Variants in LRP1B observed in about 807,000 individuals in gnomAD.
LRP1B encodes the protein low-density lipoprotein receptor-related protein 1B.
Under a neutral mutation model 556.6 loss-of-function variants are expected in LRP1B, and 217 were observed. The observed-to-expected ratio is 0.39, with a 90% CI of 0.35 to 0.44. LRP1B has a LOEUF of 0.44. Among genes scored for constraint, LRP1B ranks in the 20% least tolerant of loss-of-function variants. The pLI, the probability that LRP1B is intolerant of heterozygous loss-of-function variation, is 1.00. For synonymous variants in LRP1B, 2,047 were observed against 1,865.8 expected, an observed-to-expected ratio of 1.10 and a Z score of -2.50; for missense variants, 5,053 against 5,620.8, an observed-to-expected ratio of 0.90 and a Z score of 3.23.
intron 1 of LRP1B, among the ~76,000 whole-genome samples, chr2:142,027,148 G>A (rs1270218522): frequency 6.6e-6 from 1 of 151,890 alleles, no homozygotes; most frequent in Non-Finnish European, 1.5e-5. Context: ...CTGGCCATGT[G>A]AATACTGCTT....
chr2:140,247,668 GC>G (rs1558923860), intron 86 of LRP1B, among the ~76,000 whole-genome samples: 1 of 151,604 alleles, frequency 6.6e-6, no homozygotes, highest in Non-Finnish European at 1.5e-5. Flanking sequence ...AAAATACAGA[GC>G]TTTCCCATTT....
chr2:141,583,906 A>ATTTTTTTTTTTTT (rs113916906), intron 2 of LRP1B, among the ~76,000 whole-genome samples: 2 of 145,478 alleles, frequency 1.4e-5, no homozygotes, highest in African/African-American at 5.1e-5. Context: ...TGCCCGGCTA[A>ATTTTTTTTTTTTT]TTTTTTTTTT....
At chr2:140,868,717 G>A (rs555896696) in intron 25 of LRP1B, among the ~76,000 whole-genome samples, 1 of 152,230 alleles carries the variant, frequency 6.6e-6, no homozygotes, top group African/African-American at 2.4e-5. Flanking sequence ...GAGGAAGAGA[G>A]GGGAGGAATA....
chr2:140,628,375 C>CA (rs896696324), intron 41 of LRP1B, among the ~76,000 whole-genome samples: 100 of 151,332 alleles, frequency 6.6e-4, no homozygotes, highest in Middle Eastern at 3.4e-3. Context: ...TAAAAACACA[C>CA]AAAAAAAATA....
intron 56 of LRP1B, 97 bp downstream of exon 56, chr2:140,495,468 A>C (rs951827309): frequency 9.1e-7 from 1 of 1,098,104 alleles, no homozygotes. Flanking sequence ...ATTTTTCAGA[A>C]GCATCAAGGA....
intron 1 of LRP1B, among the ~76,000 whole-genome samples, chr2:141,885,255 A>G (rs1699074165): frequency 6.6e-6 from 1 of 152,208 alleles, no homozygotes; most frequent in Non-Finnish European, 1.5e-5. Flanking sequence ...GCAGATTCAT[A>G]AAGAATGATG....
intron 3 of LRP1B, among the ~76,000 whole-genome samples, chr2:141,479,149 C>T (rs897404021): frequency 2.6e-5 from 4 of 152,162 alleles, no homozygotes; most frequent in Non-Finnish European, 5.9e-5. Flanking sequence ...CCTGTAGTCT[C>T]TCAACACTCT....
chr2:141,101,339 G>T (rs1322762179), intron 7 of LRP1B, among the ~76,000 whole-genome samples: 1 of 152,040 alleles, frequency 6.6e-6, no homozygotes, highest in African/African-American at 2.4e-5. Context: ...TGAATTTGTG[G>T]ACTATGCCCA....
At chr2:141,482,201 A>G (rs897612987) in intron 2 of LRP1B, among the ~76,000 whole-genome samples, 4 of 152,174 alleles carry the variant, frequency 2.6e-5, no homozygotes, top group Admixed American at 2.6e-4. Flanking sequence ...AGTTAAATAT[A>G]ATTTTGAAAT....
intron 2 of LRP1B, among the ~76,000 whole-genome samples, chr2:141,485,924 A>G (rs996678381): frequency 6.6e-6 from 1 of 152,130 alleles, no homozygotes; most frequent in East Asian, 1.9e-4. Flanking sequence ...TAAACCTGGC[A>G]TTACCTCTGT....
At chr2:141,036,200 G>A (rs1698528390) in intron 11 of LRP1B, among the ~76,000 whole-genome samples, 1 of 151,898 alleles carries the variant, frequency 6.6e-6, no homozygotes, top group South Asian at 2.1e-4. Flanking sequence ...CTTTGTCAGA[G>A]CATGGGAAGA....
At chr2:140,510,097 T>C (rs1435891465) in intron 51 of LRP1B, 41 bp from the exon 52 acceptor site, 4 of 1,601,528 alleles carry the variant, frequency 2.5e-6, no homozygotes, top group Non-Finnish European at 1.7e-6. Context: ...TTACTCTGTG[T>C]CCACTGGAAA....
intron 1 of LRP1B, among the ~76,000 whole-genome samples, chr2:141,976,650 A>T (rs1701896704): frequency 6.6e-6 from 1 of 152,108 alleles, no homozygotes. Flanking sequence ...ACCATTTACC[A>T]CTACCTCCTG....
intron 59 of LRP1B, among the ~76,000 whole-genome samples, chr2:140,484,911 A>G (rs1225614257): frequency 1.3e-5 from 2 of 152,122 alleles, no homozygotes; most frequent in Non-Finnish European, 2.9e-5. Context: ...GTCATTTATT[A>G]TCCATGGATA....
chr2:141,853,569 C>T (rs1327586422), intron 1 of LRP1B, among the ~76,000 whole-genome samples: 1 of 151,566 alleles, frequency 6.6e-6, no homozygotes, highest in Non-Finnish European at 1.5e-5. Context: ...CTCTTTAAAG[C>T]TAAATATCAA....
chr2:141,041,554 G>T (rs1404736253), intron 11 of LRP1B, among the ~76,000 whole-genome samples: 1 of 151,908 alleles, frequency 6.6e-6, no homozygotes, highest in Admixed American at 6.6e-5. Context: ...AAATTTCCTT[G>T]TGATTACATT....
intron 5 of LRP1B, among the ~76,000 whole-genome samples, chr2:141,237,550 G>GT (rs1303464372): frequency 2.6e-5 from 4 of 151,934 alleles, no homozygotes; most frequent in Non-Finnish European, 5.9e-5. Flanking sequence ...ACTCACTCAG[G>GT]TAAACTACTG....
intron 4 of LRP1B, among the ~76,000 whole-genome samples, chr2:141,253,600 T>G (rs998173486): frequency 1.4e-4 from 21 of 152,106 alleles, no homozygotes; most frequent in African/African-American, 5.1e-4. Flanking sequence ...AGGATCTCAT[T>G]TTTGTCATTA....
At chr2:141,729,028 T>A (rs1429149083) in intron 2 of LRP1B, among the ~76,000 whole-genome samples, 1 of 152,134 alleles carries the variant, frequency 6.6e-6, no homozygotes, top group Non-Finnish European at 1.5e-5. Flanking sequence ...CATCTGCTAG[T>A]TGGAGTCTCC....
Sources: gnomAD v4.1 joint callset for allele counts (sites outside exome capture counted in the v4.1 genomes callset) on GRCh38, gnomAD v4.1.1 for gene constraint, MANE v1.5 for transcripts, NCBI Gene and HGNC (gene_info 2026-07-23, HGNC 2026-07-21) for gene names.